The following SLC22A3 variants were observed in gnomAD, a reference collection of about 807,000 sequenced individuals.
SLC22A3 encodes the protein EMT organic cation transporter 3.
SLC22A3 carries 51 observed loss-of-function variants against 59.1 expected under a neutral mutation model. That is an observed-to-expected ratio of 0.86 (90% CI 0.69 to 1.09). The LOEUF is 1.09. SLC22A3 is among the 50% of genes least tolerant of loss of function. SLC22A3 has a pLI of 0.00. For missense variants in SLC22A3, 711 were observed against 726.3 expected (o/e 0.98, Z 0.24); for synonymous variants, 325 against 292.0 (o/e 1.11, Z -1.15).
chr6:160,353,868 T>C (rs922061271), intron 1 of SLC22A3, among the ~76,000 whole-genome samples: 10 of 152,056 alleles, frequency 6.6e-5, no homozygotes, highest in African/African-American at 2.4e-4. Context: ...GAATTGCCAG[T>C]TCCACCAAGC....
chr6:160,436,324 A>C (rs1788333504), intron 5 of SLC22A3, among the ~76,000 whole-genome samples: 1 of 152,232 alleles, frequency 6.6e-6, no homozygotes, highest in Non-Finnish European at 1.5e-5. Context: ...GATCAAAAAG[A>C]TGTTAGATTA....
intron 1 of SLC22A3, among the ~76,000 whole-genome samples, chr6:160,374,600 G>C (rs1217642289): frequency 6.6e-6 from 1 of 152,224 alleles, no homozygotes; most frequent in Admixed American, 6.5e-5. Context: ...AATGTCTTGT[G>C]AGACAGACAT....
chr6:160,415,504 C>T lies in SLC22A3; in HGVS notation c.975+4658C>T, dbSNP rs1289192722. ...TTACACAGTTACTTTCACATTAACC[C>T]ACATCCCTCTCTCTGGATACAGTTT... On this transcript the variant is annotated intron_variant, in intron 5 of 10. Coordinates refer to ENST00000275300, the MANE Select transcript of SLC22A3 (RefSeq NM_021977.4). This position sits in a 1 kb window ranked among gnomAD's most constrained non-coding sequence, Gnocchi z 4.1. Among the ~76,000 whole-genome samples the T allele has an allele frequency of 1.3e-5, 2 of 152,186 alleles. No individual in the cohort carries two copies. The highest frequency in any genetic ancestry group is 2.9e-5 in the Non-Finnish European group (2 of 68,042).
Position 160,370,813 on chromosome 6 carries a change from C to T in SLC22A3, c.429+21965C>T, listed in dbSNP as rs146320088. Among the ~76,000 whole-genome samples, 706 of 152,120 alleles carry T rather than the reference C, an allele frequency of 4.6e-3. 3 individuals are homozygous for T. The highest frequency in any genetic ancestry group is 0.016 in the African/African-American group (681 of 41,494). ...AAACTGTGCAGAGCTATTAAGTTGC[C>T]CCTTATCATTAAGTTTTTAAGTCTG... On this transcript the variant is annotated intron_variant, in intron 1 of 10. Coordinates refer to ENST00000275300, the MANE Select transcript of SLC22A3 (RefSeq NM_021977.4).
In SLC22A3 at chr6:160,382,138, T is replaced by G. The variant is rs573122649; in HGVS notation, c.430-15841T>G. Among the ~76,000 whole-genome samples, 15 of 152,264 alleles carry G rather than the reference T, an allele frequency of 9.9e-5. No homozygotes were observed. In the East Asian group the frequency reaches 2.9e-3, roughly 29 times the overall value. On this transcript the variant is annotated intron_variant, in intron 1 of 10. Coordinates refer to ENST00000275300, the MANE Select transcript of SLC22A3 (RefSeq NM_021977.4). ...GTATGACTTGTCTTAGAAAAAGAAA[T>G]AAAAATGCAGATCCATTTATTCACT...
intron 1 of SLC22A3, among the ~76,000 whole-genome samples, chr6:160,361,480 G>A (rs1785010332): frequency 6.6e-6 from 1 of 152,198 alleles, no homozygotes; most frequent in South Asian, 2.1e-4. Flanking sequence ...GGGTCGTTAT[G>A]GGAGTTATAC....
At chr6:160,356,228 G>A (rs766885073) in intron 1 of SLC22A3, among the ~76,000 whole-genome samples, 1 of 152,152 alleles carries the variant, frequency 6.6e-6, no homozygotes, top group African/African-American at 2.4e-5. Context: ...CATCCATGAG[G>A]TGTGATCAGT....
intron 1 of SLC22A3, among the ~76,000 whole-genome samples, chr6:160,372,961 G>C (rs1041833560): frequency 2.6e-5 from 4 of 152,104 alleles, no homozygotes; most frequent in Admixed American, 2.0e-4. Flanking sequence ...TTAGCTCAGA[G>C]GAGTTTGTTA....
chr6:160,348,690 C>G lies in SLC22A3; in HGVS notation c.271C>G (p.Gln91Glu), dbSNP rs1562462051. ...PEPPERRGRC[Q>E]RYLLEAANDS... ...GCCCCCCGAGCGCCGCGGCCGCTGCCAGCGCTACCTCCTGGAGGCGGCCAA... is the reference window on the plus strand; with the variant it reads ...GCCCCCCGAGCGCCGCGGCCGCTGCGAGCGCTACCTCCTGGAGGCGGCCAA... The change falls in exon 1 of 11, where the codon CAG becomes GAG. Residue 91 changes from glutamine (Q) to glutamate (E), a missense_variant. By Grantham distance (29) the Gln-to-Glu change is conservative (BLOSUM62 2). Transcript: ENST00000275300. The G allele has an allele frequency of 1.3e-6, 2 of 1,509,464 alleles. No individual in the cohort carries two copies. Among genetic ancestry groups the G allele is most frequent in the Non-Finnish European group, 1.8e-6 (2 of 1,136,990 alleles). The allele number at this position is 1,509,464 out of a possible 1,614,324, so 93.5% of individuals were successfully genotyped here. A position where few individuals can be genotyped will look rare whatever the true frequency, so the allele number is the denominator to read the frequency against.
intron 1 of SLC22A3, among the ~76,000 whole-genome samples, chr6:160,361,419 T>A (rs1051251292): frequency 9.9e-5 from 15 of 152,164 alleles, no homozygotes; most frequent in African/African-American, 3.1e-4. Context: ...ATCAGCAGAG[T>A]TAATTAAGTG....
intron 3 of SLC22A3, among the ~76,000 whole-genome samples, chr6:160,407,936 T>G (rs1023712049): frequency 3.3e-5 from 5 of 152,106 alleles, no homozygotes; most frequent in African/African-American, 1.2e-4. Context: ...CTATACAATC[T>G]CCAAGCAGTG....
chr6:160,365,375 C>G (rs1785170338), intron 1 of SLC22A3, among the ~76,000 whole-genome samples: 1 of 152,164 alleles, frequency 6.6e-6, no homozygotes, highest in Admixed American at 6.5e-5. Flanking sequence ...CCCAATCCAC[C>G]TGACTTGAGG....
intron 1 of SLC22A3, among the ~76,000 whole-genome samples, chr6:160,382,551 C>T (rs975314586): frequency 1.3e-5 from 2 of 152,146 alleles, no homozygotes; most frequent in African/African-American, 4.8e-5. Context: ...ACCAGGAGAG[C>T]ACAATAGAAC....
chr6:160,399,225 T>C lies in SLC22A3; in HGVS notation c.533+1143T>C, dbSNP rs561642069. ...GATGCCCTTTCCCCTTTTTCTTCTT[T>C]TTATCGATGTCCTTTTCTCCTGTTC... On this transcript the variant is annotated intron_variant, in intron 2 of 10. Coordinates refer to ENST00000275300, the MANE Select transcript of SLC22A3 (RefSeq NM_021977.4). Among the ~76,000 whole-genome samples the C allele has an allele frequency of 2.3e-4, 35 of 152,314 alleles. No individual in the cohort carries two copies. In the East Asian group the frequency reaches 6.2e-3, roughly 27 times the overall value.
chr6:160,420,449 A>G (rs765482981), intron 5 of SLC22A3, among the ~76,000 whole-genome samples: 21 of 152,342 alleles, frequency 1.4e-4, no homozygotes, highest in Admixed American at 7.2e-4. Context: ...TTAGGGCTTG[A>G]AAACTATTCG....
chr6:160,446,661 G>A (rs190253206), intron 9 of SLC22A3, among the ~76,000 whole-genome samples: 49 of 152,316 alleles, frequency 3.2e-4, no homozygotes, highest in Non-Finnish European at 2.6e-4. Context: ...TGAGATTTGG[G>A]TGGATAGACA....
At chr6:160,357,689 A>G (rs1784888390) in intron 1 of SLC22A3, among the ~76,000 whole-genome samples, 1 of 152,252 alleles carries the variant, frequency 6.6e-6, no homozygotes, top group African/African-American at 2.4e-5. Context: ...CTTAAAGAAA[A>G]TACCCATAGA....
At chr6:160,375,436 A>G (rs1422839262) in intron 1 of SLC22A3, among the ~76,000 whole-genome samples, 1 of 152,078 alleles carries the variant, frequency 6.6e-6, no homozygotes, top group Non-Finnish European at 1.5e-5. Context: ...AAGCTTACAC[A>G]TTTCCTAGCC....
At chr6:160,449,021 C>T (rs1296524997) in intron 10 of SLC22A3, among the ~76,000 whole-genome samples, 3 of 152,128 alleles carry the variant, frequency 2.0e-5, no homozygotes, top group African/African-American at 7.2e-5. Flanking sequence ...CAGCTTTCTT[C>T]CCTTTGATTC....
Sources: gnomAD v4.1 joint callset for allele counts (sites outside exome capture counted in the v4.1 genomes callset) on GRCh38, gnomAD v4.1.1 for gene constraint, Gnocchi (gnomAD v3.1) non-coding constraint, MANE v1.5 for transcripts, NCBI Gene and HGNC (gene_info 2026-07-23, HGNC 2026-07-21) for gene names.